RASAL2: variants seen among roughly 807,000 people sequenced by gnomAD.
RASAL2 encodes the protein ras GTPase-activating protein nGAP.
A neutral mutation model predicts 128.9 loss-of-function variants in RASAL2; 58 were observed. The ratio of observed to expected loss-of-function variants is 0.45; its 90% CI spans 0.36 to 0.56. The LOEUF (loss-of-function observed/expected upper bound fraction) is 0.56, where lower values mean the gene tolerates loss of function less well. RASAL2 is among the 20% of genes least tolerant of loss of function. RASAL2 has a pLI of 0.00. For missense variants in RASAL2, 1,360 were observed against 1,601.6 expected (o/e 0.85, Z 2.57); for synonymous variants, 561 against 580.8 (o/e 0.97, Z 0.49).
At chr1:178,411,829 A>C in intron 4 of RASAL2, 1 of 763,876 alleles carries the variant, frequency 1.3e-6, no homozygotes, top group Non-Finnish European at 2.4e-6. Context: ...GCCAGGTATC[A>C]CTGCCCTACA....
intron 5 of RASAL2, among the ~76,000 whole-genome samples, chr1:178,422,636 T>A (rs1675228333): frequency 6.6e-6 from 1 of 152,058 alleles, no homozygotes; most frequent in African/African-American, 2.4e-5. Context: ...ATCAGCTGAG[T>A]TCTTTGAATT....
intron 1 of RASAL2, among the ~76,000 whole-genome samples, chr1:178,260,416 G>T (rs1386251944): frequency 7.6e-5 from 6 of 78,680 alleles, no homozygotes; most frequent in Admixed American, 1.6e-4. Flanking sequence ...ATATATATAT[G>T]ATAATAATTT....
intron 9 of RASAL2, 80 bp from the exon 10 acceptor site, chr1:178,451,491 G>A: frequency 7.1e-7 from 1 of 1,413,938 alleles, no homozygotes; most frequent in East Asian, 2.3e-5. Flanking sequence ...ATACGTTTTA[G>A]GACAGAAATC....
chr1:178,333,068 G>A (rs1669413490), intron 3 of RASAL2, among the ~76,000 whole-genome samples: 1 of 151,324 alleles, frequency 6.6e-6, no homozygotes, highest in South Asian at 2.1e-4. Context: ...TCGCTCTATC[G>A]CCCAGGCTGG....
At chr1:178,116,303 C>T (rs954909772) in intron 1 of RASAL2, among the ~76,000 whole-genome samples, 1 of 152,096 alleles carries the variant, frequency 6.6e-6, no homozygotes, top group African/African-American at 2.4e-5. Context: ...TGAAAGGGAG[C>T]GTTACTCATT....
chr1:178,106,264 G>A (rs995091012), intron 1 of RASAL2, among the ~76,000 whole-genome samples: 1 of 152,082 alleles, frequency 6.6e-6, no homozygotes, highest in African/African-American at 2.4e-5. Context: ...AAATCTCTTT[G>A]CCTGGCTATA....
intron 3 of RASAL2, among the ~76,000 whole-genome samples, chr1:178,329,267 A>T (rs1315256623): frequency 7.2e-5 from 11 of 152,210 alleles, no homozygotes; most frequent in Non-Finnish European, 1.6e-4. Flanking sequence ...TGTTACTTTT[A>T]TATGAGATCA....
At chr1:178,110,237 T>C (rs906247348) in intron 1 of RASAL2, among the ~76,000 whole-genome samples, 3 of 152,084 alleles carry the variant, frequency 2.0e-5, no homozygotes, top group Non-Finnish European at 4.4e-5. Flanking sequence ...CTGCTTTCTA[T>C]CTGTATAGAT....
chr1:178,246,598 A>G (rs999676206), intron 1 of RASAL2, among the ~76,000 whole-genome samples: 8 of 151,970 alleles, frequency 5.3e-5, no homozygotes, highest in African/African-American at 1.9e-4. Flanking sequence ...AACTTCCAAC[A>G]CTATGTTGAA....
chr1:178,419,960 C>T (rs1675034000), intron 4 of RASAL2, among the ~76,000 whole-genome samples: 1 of 152,174 alleles, frequency 6.6e-6, no homozygotes, highest in African/African-American at 2.4e-5. Context: ...CTGAGACCAC[C>T]AATACATTAT....
intron 1 of RASAL2, among the ~76,000 whole-genome samples, chr1:178,167,364 A>G (rs1473371329): frequency 6.6e-6 from 1 of 152,166 alleles, no homozygotes; most frequent in African/African-American, 2.4e-5. Context: ...TCTGTAGTAT[A>G]CAAGATAGAA....
chr1:178,154,434 C>G (rs1661014966), intron 1 of RASAL2, among the ~76,000 whole-genome samples: 1 of 152,112 alleles, frequency 6.6e-6, no homozygotes, highest in Non-Finnish European at 1.5e-5. Flanking sequence ...CAGCAGTGGG[C>G]CACACTGCCT....
chr1:178,095,239 C>T (rs1658630469), intron 1 of RASAL2, among the ~76,000 whole-genome samples: 1 of 152,194 alleles, frequency 6.6e-6, no homozygotes, highest in Non-Finnish European at 1.5e-5. Flanking sequence ...TTTCAGATTA[C>T]ACTATTGTTT....
intron 1 of RASAL2, among the ~76,000 whole-genome samples, chr1:178,258,455 A>G (rs1558147832): frequency 6.6e-6 from 1 of 152,224 alleles, no homozygotes; most frequent in South Asian, 2.1e-4. Context: ...CAGGCAAAGG[A>G]TCTGAGTAGA....
intron 4 of RASAL2, among the ~76,000 whole-genome samples, chr1:178,419,610 A>G (rs988967370): frequency 6.6e-5 from 10 of 152,194 alleles, no homozygotes; most frequent in Non-Finnish European, 1.2e-4. Context: ...ATATGCTTCT[A>G]TAAGATTCCT....
intron 1 of RASAL2, among the ~76,000 whole-genome samples, chr1:178,214,364 T>C (rs1420611140): frequency 6.6e-6 from 1 of 152,228 alleles, no homozygotes; most frequent in Non-Finnish European, 1.5e-5. Flanking sequence ...TAGTAGTTAC[T>C]GTAGCCATAC....
chr1:178,390,706 T>A (rs1672853144), intron 4 of RASAL2, among the ~76,000 whole-genome samples: 2 of 152,156 alleles, frequency 1.3e-5, no homozygotes, highest in Admixed American at 6.6e-5. Flanking sequence ...TAATATTTAT[T>A]AGGTTTTAGG....
At chr1:178,098,484 G>A (rs914136963) in intron 1 of RASAL2, among the ~76,000 whole-genome samples, 1 of 152,188 alleles carries the variant, frequency 6.6e-6, no homozygotes, top group East Asian at 1.9e-4. Flanking sequence ...GTGCTTTCTG[G>A]TAAACAATGA....
At chr1:178,250,850 G>C (rs1665019572) in intron 1 of RASAL2, among the ~76,000 whole-genome samples, 1 of 152,096 alleles carries the variant, frequency 6.6e-6, no homozygotes, top group Admixed American at 6.6e-5. Context: ...AGACCATAAA[G>C]TCTTCGAATC....
Sources: gnomAD v4.1 joint callset for allele counts (sites outside exome capture counted in the v4.1 genomes callset) on GRCh38, gnomAD v4.1.1 for gene constraint, MANE v1.5 for transcripts, NCBI Gene and HGNC (gene_info 2026-07-23, HGNC 2026-07-21) for gene names.